The following HIPK3 variants were observed in gnomAD, a reference collection of about 807,000 sequenced individuals.
HIPK3 encodes the protein homeodomain-interacting protein kinase 3.
HIPK3 carries 47 observed loss-of-function variants against 124.2 expected under a neutral mutation model. That is an observed-to-expected ratio of 0.38 (90% CI 0.30 to 0.48). HIPK3 has a LOEUF of 0.48. Among genes scored for constraint, HIPK3 ranks in the 20% least tolerant of loss-of-function variants. The probability of loss-of-function intolerance (pLI) is 0.98; values close to 1 mark genes in which losing one functional copy is unlikely to be tolerated. For synonymous variants in HIPK3, 482 were observed against 515.2 expected, an observed-to-expected ratio of 0.94 and a Z score of 0.87; for missense variants, 1,286 against 1,454.3, an observed-to-expected ratio of 0.88 and a Z score of 1.88.
chr11:33,259,298 A>G (rs559463016), intron 1 of HIPK3, among the ~76,000 whole-genome samples: 1 of 152,252 alleles, frequency 6.6e-6, no homozygotes, highest in Non-Finnish European at 1.5e-5. Context: ...TTTTAATCCT[A>G]TATTATTTAA....
chr11:33,351,585 T>TA (rs759204434), intron 14 of HIPK3, 23 bp from the exon 15 acceptor site: 3 of 1,570,110 alleles, frequency 1.9e-6, no homozygotes, highest in South Asian at 2.2e-5. Flanking sequence ...ATATCACTCA[T>TA]AAAAAATGCT....
At chr11:33,338,900 C>A in intron 5 of HIPK3, 57 bp downstream of exon 5, 1 of 1,184,254 alleles carries the variant, frequency 8.4e-7, no homozygotes, top group African/African-American at 1.5e-5. Flanking sequence ...GACTTGAATG[C>A]CAAGGGGCCC....
intron 2 of HIPK3, among the ~76,000 whole-genome samples, chr11:33,299,070 C>G (rs563161871): frequency 2.0e-5 from 3 of 151,436 alleles, no homozygotes; most frequent in South Asian, 4.2e-4. Context: ...TGGTCTTGAA[C>G]CCCTGACCTC....
At chr11:33,277,797 T>A (rs979591643) in intron 1 of HIPK3, among the ~76,000 whole-genome samples, 1 of 152,254 alleles carries the variant, frequency 6.6e-6, no homozygotes, top group African/African-American at 2.4e-5. Flanking sequence ...CCTGTTGCCC[T>A]ATTCTTCAAC....
intron 1 of HIPK3, among the ~76,000 whole-genome samples, chr11:33,273,543 A>AT (rs1554961843): frequency 6.7e-6 from 1 of 148,314 alleles, no homozygotes; most frequent in African/African-American, 2.5e-5. Flanking sequence ...AAAAAAGAAG[A>AT]TTTTGGACAA....
At position 33,356,527 on chromosome 11, in the gene HIPK3, G is replaced by T. The variant is rs1324546445; in HGVS notation, c.*2959G>T. Reference sequence around the variant, plus strand: ...TTAGTTGTTTTTTTTTTCCTCCAGCGTGTTTAATTAAATATGTTACTGTAT... The same window carrying T: ...TTAGTTGTTTTTTTTTTCCTCCAGCTTGTTTAATTAAATATGTTACTGTAT... On this transcript the variant is annotated 3_prime_UTR_variant, in exon 17 of 17. Coordinates refer to ENST00000303296, the MANE Select transcript of HIPK3 (RefSeq NM_005734.5). 6.6e-6 allele frequency: 1 copy of T among 150,682 alleles called. No individual in the cohort carries two copies. 9.3% of individuals were successfully genotyped at this position (150,682 alleles called of 1,614,324 possible).
At chr11:33,296,417 T>A (rs750859945) in intron 2 of HIPK3, among the ~76,000 whole-genome samples, 7 of 152,194 alleles carry the variant, frequency 4.6e-5, no homozygotes, top group Non-Finnish European at 1.0e-4. Flanking sequence ...GGATATTACT[T>A]CTTTTAGGTC....
At chr11:33,316,665 TA>T (rs1852511778) in intron 2 of HIPK3, among the ~76,000 whole-genome samples, 2 of 151,636 alleles carry the variant, frequency 1.3e-5, no homozygotes, top group South Asian at 4.2e-4. Context: ...CTACAAAAAA[TA>T]AAAACCATTA....
At chr11:33,258,017 T>A in intron 1 of HIPK3, 128 bp downstream of exon 1, 2 of 775,170 alleles carry the variant, frequency 2.6e-6, no homozygotes, top group Middle Eastern at 6.6e-4. Flanking sequence ...CAGCCCGCAC[T>A]CATTGCGCGT....
chr11:33,282,403 C>T (rs756896068), intron 1 of HIPK3, among the ~76,000 whole-genome samples: 2 of 151,574 alleles, frequency 1.3e-5, no homozygotes, highest in Non-Finnish European at 2.9e-5. Context: ...AAAATTGGGC[C>T]GGGTGCCATG....
intron 2 of HIPK3, among the ~76,000 whole-genome samples, chr11:33,310,232 C>T (rs1267803555): frequency 8.5e-6 from 1 of 117,616 alleles, no homozygotes; most frequent in Non-Finnish European, 1.7e-5. Context: ...CTATCTTTGT[C>T]TGTCTGTCTG....
chr11:33,294,148 C>A, intron 2 of HIPK3, among the ~76,000 whole-genome samples: 1 of 104,986 alleles, frequency 9.5e-6, no homozygotes, highest in African/African-American at 3.4e-5. Context: ...AGCGAGACTC[C>A]ATCTGAAAAA....
intron 1 of HIPK3, among the ~76,000 whole-genome samples, chr11:33,278,513 TG>T (rs1420529150): frequency 6.6e-6 from 1 of 152,118 alleles, no homozygotes; most frequent in Non-Finnish European, 1.5e-5. Context: ...ACTTGGTAGT[TG>T]GTCAAGAAGC....
chr11:33,319,786 C>T (rs1167751925), intron 2 of HIPK3, among the ~76,000 whole-genome samples: 5 of 152,036 alleles, frequency 3.3e-5, no homozygotes, highest in African/African-American at 1.2e-4. Context: ...AAGTTCTTGC[C>T]CCCATGGAAT....
At chr11:33,315,297 A>G (rs1239524626) in intron 2 of HIPK3, among the ~76,000 whole-genome samples, 3 of 152,212 alleles carry the variant, frequency 2.0e-5, no homozygotes, top group African/African-American at 7.2e-5. Flanking sequence ...CGTGATCTTG[A>G]CTCACTGCAA....
rs1302768846 is a variant in HIPK3 at position 33,353,219 on chromosome 11, C to T, written c.3299C>T (p.Thr1100Ile). The change falls in exon 17 of 17, where the codon ACA becomes ATA. Residue 1100 changes from threonine to isoleucine, a missense_variant. This residue lies in a region of HIPK3 where 810 missense variants were observed against 864.9 expected (regional missense o/e 0.94). Coordinates refer to ENST00000303296, the MANE Select transcript of HIPK3 (RefSeq NM_005734.5). ...CTTTCTCATGGAAGTCCCAATCACA[C>T]AGCAGTGCATGCCCACCTGGCTGGA... ...FTLSHGSPNH[T>I]AVHAHLAGNT... The T allele has an allele frequency of 1.2e-6, 2 of 1,614,086 alleles. No individual in the cohort carries two copies. The highest frequency in any genetic ancestry group is 8.5e-7 in the Non-Finnish European group (1 of 1,179,934).
chr11:33,309,218 C>CATTTATG (rs1852252803), intron 2 of HIPK3, among the ~76,000 whole-genome samples: 1 of 152,130 alleles, frequency 6.6e-6, no homozygotes, highest in Non-Finnish European at 1.5e-5. Flanking sequence ...GAGATCCCAC[C>CATTTATG]CAGGTTCCCA....
intron 1 of HIPK3, among the ~76,000 whole-genome samples, chr11:33,268,886 A>G (rs1291473980): frequency 6.6e-6 from 1 of 152,178 alleles, no homozygotes; most frequent in Non-Finnish European, 1.5e-5. Context: ...AAAATGAAAT[A>G]CCTCAACTTC....
chr11:33,257,921 C>G (rs1850709365), intron 1 of HIPK3, 32 bp downstream of exon 1: 1 of 985,668 alleles, frequency 1.0e-6, no homozygotes, highest in Non-Finnish European at 1.2e-6. Context: ...CGCCGCCACC[C>G]CGGGGTGGGG....
Sources: allele counts gnomAD v4.1 joint callset (sites outside exome capture counted in the v4.1 genomes callset), GRCh38; gene constraint gnomAD v4.1.1; regional missense constraint gnomAD v4.1.1; transcripts MANE v1.5; gene names NCBI Gene and HGNC (gene_info 2026-07-23, HGNC 2026-07-21).